The following NAALADL2 variants were observed in gnomAD, a reference collection of about 807,000 sequenced individuals.
The protein encoded by NAALADL2 is N-acetylated alpha-linked acidic dipeptidase like 2.
In NAALADL2, 76 loss-of-function variants were observed where a neutral mutation model predicts 87.2. That is an observed-to-expected ratio of 0.87 (90% confidence interval 0.72 to 1.05). The LOEUF (loss-of-function observed/expected upper bound fraction) is 1.05, where lower values mean the gene tolerates loss of function less well. Among genes scored for constraint, NAALADL2 ranks in the 50% least tolerant of loss-of-function variants. The probability of loss-of-function intolerance (pLI) is 0.00; values close to 1 mark genes in which losing one functional copy is unlikely to be tolerated. For synonymous variants in NAALADL2, 354 were observed against 331.0 expected (o/e 1.07, Z -0.75); for missense variants, 1,089 against 945.8 (o/e 1.15, Z -1.99).
rs1021095491 is a variant in NAALADL2 at position 175,322,120 on chromosome 3, G to A, written c.940-2055G>A. Among the ~76,000 whole-genome samples the A allele has an allele frequency of 7.3e-5, 11 of 150,310 alleles. No homozygotes were observed. In the East Asian group the frequency reaches 2.2e-3, roughly 30 times the overall value. ...AGGCTACAGTAACCAAAACAGCATG[G>A]TACTGGTACCAAAACAGAGATACAG... On this transcript the variant is annotated intron_variant, in intron 4 of 13. Coordinates refer to ENST00000454872, the MANE Select transcript of NAALADL2 (RefSeq NM_207015.3).
intron 1 of NAALADL2, among the ~76,000 whole-genome samples, chr3:174,929,930 G>A (rs927825802): frequency 6.6e-6 from 1 of 152,142 alleles, no homozygotes; most frequent in Non-Finnish European, 1.5e-5. Context: ...ATGTAAGGAA[G>A]TAAGGATTAC....
At chr3:175,017,759 T>A (rs1265911873) in intron 1 of NAALADL2, among the ~76,000 whole-genome samples, 1 of 152,096 alleles carries the variant, frequency 6.6e-6, no homozygotes, top group Non-Finnish European at 1.5e-5. Flanking sequence ...TTTCTGAATA[T>A]TATTTTTGGG....
chr3:174,909,023 A>T (rs1733339952), intron 1 of NAALADL2, among the ~76,000 whole-genome samples: 1 of 151,274 alleles, frequency 6.6e-6, no homozygotes. Flanking sequence ...AAAAAAAAAG[A>T]TCTCCTTAGT....
intron 11 of NAALADL2, among the ~76,000 whole-genome samples, chr3:175,641,770 G>A (rs1277932828): frequency 6.6e-6 from 1 of 151,998 alleles, no homozygotes; most frequent in African/African-American, 2.4e-5. Context: ...CAGCTATTTT[G>A]TAGATTATTA....
intron 2 of NAALADL2, among the ~76,000 whole-genome samples, chr3:175,174,169 G>T (rs1054862010): frequency 3.3e-5 from 5 of 152,074 alleles, no homozygotes; most frequent in Non-Finnish European, 7.4e-5. Context: ...ACATTTGCAT[G>T]CACTAATTAT....
chr3:174,788,134 C>G (rs1717028410), intron 3 of NAALADL2, among the ~76,000 whole-genome samples: 1 of 152,054 alleles, frequency 6.6e-6, no homozygotes, highest in Admixed American at 6.6e-5. Flanking sequence ...GAATTCAAGA[C>G]CTAACATGAC....
intron 2 of NAALADL2, among the ~76,000 whole-genome samples, chr3:174,715,091 G>A (rs927218757): frequency 3.9e-5 from 6 of 152,246 alleles, no homozygotes; most frequent in Admixed American, 6.5e-5. Context: ...ACTGGAAATG[G>A]CCCTTATTAG....
At chr3:174,634,576 A>G (rs1171654843) in intron 2 of NAALADL2, among the ~76,000 whole-genome samples, 1 of 152,058 alleles carries the variant, frequency 6.6e-6, no homozygotes, top group Non-Finnish European at 1.5e-5. Context: ...TTGCTTTTGG[A>G]TGGTAGTCAT....
intron 2 of NAALADL2, among the ~76,000 whole-genome samples, chr3:174,632,299 A>G (rs956217513): frequency 6.6e-6 from 1 of 152,216 alleles, no homozygotes; most frequent in Non-Finnish European, 1.5e-5. Flanking sequence ...ACCGTGCTCT[A>G]TCCAGGCTTT....
At chr3:175,692,339 TACTG>T (rs1198873696) in intron 11 of NAALADL2, among the ~76,000 whole-genome samples, 3 of 152,144 alleles carry the variant, frequency 2.0e-5, no homozygotes, top group African/African-American at 7.2e-5. Context: ...CTAGAATAAA[TACTG>T]ACTACCTGTG....
intron 2 of NAALADL2, among the ~76,000 whole-genome samples, chr3:175,219,562 C>T (rs867249149): frequency 2.6e-5 from 4 of 152,180 alleles, no homozygotes; most frequent in African/African-American, 9.6e-5. Flanking sequence ...TTGTCTTCCT[C>T]GTTAGCGGTT....
At chr3:175,077,668 A>T (rs1308839917) in intron 1 of NAALADL2, among the ~76,000 whole-genome samples, 1 of 152,184 alleles carries the variant, frequency 6.6e-6, no homozygotes, top group African/African-American at 2.4e-5. Context: ...TCATAAATAT[A>T]CTATAAATGG....
chr3:174,963,171 G>A (rs1451892683), intron 1 of NAALADL2, among the ~76,000 whole-genome samples: 1 of 152,028 alleles, frequency 6.6e-6, no homozygotes, highest in East Asian at 1.9e-4. Flanking sequence ...TATCTGGCTG[G>A]AATCACTGAT....
At chr3:175,759,635 C>A (rs1045294500) in intron 13 of NAALADL2, among the ~76,000 whole-genome samples, 1 of 152,122 alleles carries the variant, frequency 6.6e-6, no homozygotes, top group Non-Finnish European at 1.5e-5. Flanking sequence ...GGATTACAGG[C>A]GTGAGCCACC....
chr3:175,013,296 TA>T (rs1301373063), intron 1 of NAALADL2, among the ~76,000 whole-genome samples: 1,921 of 77,374 alleles, frequency 0.025, 174 homozygotes, highest in African/African-American at 0.14. Flanking sequence ...TATATATATA[TA>T]TATATTTTTT....
At chr3:175,764,262 C>T (rs1490013132) in intron 13 of NAALADL2, among the ~76,000 whole-genome samples, 4 of 151,954 alleles carry the variant, frequency 2.6e-5, no homozygotes, top group African/African-American at 7.3e-5. Context: ...ACTATAGGGA[C>T]TATCTCAGTA....
rs538012843 is a variant in NAALADL2 at position 175,256,361 on chromosome 3, T to C, written c.820-50T>C. The stretch of plus-strand genomic sequence containing the variant: ...GTTATACTAAATGGACAATTGGCTA[T>C]ACTTCTTCCTCTGAGGCTTTATTTT... On this transcript the variant is annotated intron_variant, in intron 3 of 13. Transcript: ENST00000454872. The C allele has an allele frequency of 5.8e-6, 9 of 1,543,764 alleles. No homozygotes were observed. In the South Asian group the frequency reaches 8.7e-5, roughly 15 times the overall value.
chr3:175,803,764 T>C lies in NAALADL2; in HGVS notation c.*561T>C, dbSNP rs1300559050. On this transcript the variant is annotated 3_prime_UTR_variant, in exon 14 of 14. Transcript: ENST00000454872. ...AACACAACTAGATGTAGTAATACACTGGTTATGAAATTGTATTTTTTTAAG... is the reference window on the plus strand; with the variant it reads ...AACACAACTAGATGTAGTAATACACCGGTTATGAAATTGTATTTTTTTAAG... 1 of 152,428 alleles carries C rather than the reference T, an allele frequency of 6.6e-6. No individual in the cohort carries two copies. Among genetic ancestry groups the C allele is most frequent in the East Asian group, 1.9e-4 (1 of 5,194 alleles). The allele number at this position is 152,428 out of a possible 1,614,324, so 9.4% of individuals were successfully genotyped here.
intron 11 of NAALADL2, among the ~76,000 whole-genome samples, chr3:175,658,272 T>C (rs1456870848): frequency 6.6e-6 from 1 of 152,162 alleles, no homozygotes; most frequent in Non-Finnish European, 1.5e-5. Flanking sequence ...TGGGTTATGG[T>C]ACCCAAATGA....
Sources: gnomAD v4.1 joint callset for allele counts (sites outside exome capture counted in the v4.1 genomes callset) on GRCh38, gnomAD v4.1.1 for gene constraint, MANE v1.5 for transcripts, NCBI Gene and HGNC (gene_info 2026-07-23, HGNC 2026-07-21) for gene names.